Variants in PCDHGA2 observed in about 807,000 individuals in gnomAD.
PCDHGA2 encodes the protein protocadherin gamma subfamily A, 2, also known as protocadherin gamma-A2.
A neutral mutation model predicts 59.2 loss-of-function variants in PCDHGA2; 40 were observed. That is an observed-to-expected ratio of 0.68 (90% CI 0.52 to 0.88). The LOEUF is 0.88. Ranked by LOEUF, PCDHGA2 falls within the 40% of genes least tolerant of loss-of-function variation. The pLI, the probability that PCDHGA2 is intolerant of heterozygous loss-of-function variation, is 0.00. For missense variants in PCDHGA2, 1,226 were observed against 1,204.0 expected, an observed-to-expected ratio of 1.02 and a Z score of -0.27; for synonymous variants, 560 against 526.0, an observed-to-expected ratio of 1.06 and a Z score of -0.89.
intron 1 of PCDHGA2, chr5:141,400,694 C>T: frequency 1.3e-6 from 1 of 763,776 alleles, no homozygotes; most frequent in South Asian, 1.9e-5. Context: ...GTTTTTATGT[C>T]GCATAAAAGA....
intron 1 of PCDHGA2, chr5:141,384,775 G>A: frequency 6.2e-7 from 1 of 1,613,910 alleles, no homozygotes; most frequent in Non-Finnish European, 8.5e-7. Flanking sequence ...CACGGGCGAG[G>A]TGCGCACGGC....
Position 141,339,409 on chromosome 5 carries a change from T to C in PCDHGA2, c.438T>C (p.Thr146=). The C allele has an allele frequency of 6.2e-7, 1 of 1,614,236 alleles. No individual in the cohort carries two copies. The highest frequency in any genetic ancestry group is 1.7e-5 in the Admixed American group (1 of 60,032). The change falls in exon 1 of 4, where the codon ACT becomes ACC. Residue 146 remains threonine (T), a synonymous_variant. Coordinates refer to ENST00000394576, the MANE Select transcript of PCDHGA2 (RefSeq NM_018915.4). Reference sequence around the variant, plus strand: ...TGGAGCTAAAAATCAGTGAAACCACTACGCCAGGATTCCGGATTCCTCTTA... The same window carrying C: ...TGGAGCTAAAAATCAGTGAAACCACCACGCCAGGATTCCGGATTCCTCTTA... ...EELELKISET[T]TPGFRIPLKN...
intron 1 of PCDHGA2, chr5:141,392,908 G>T: frequency 1.2e-6 from 2 of 1,613,852 alleles, no homozygotes; most frequent in African/African-American, 1.3e-5. Context: ...GGACAGATTC[G>T]CTACTCTGTG....
At chr5:141,373,462 G>C (rs1769608771) in intron 1 of PCDHGA2, among the ~76,000 whole-genome samples, 1 of 152,218 alleles carries the variant, frequency 6.6e-6, no homozygotes, top group African/African-American at 2.4e-5. Context: ...GGTAGCAGCT[G>C]CAATGAGCTA....
chr5:141,413,045 G>A, intron 1 of PCDHGA2: 1 of 894,362 alleles, frequency 1.1e-6, no homozygotes, highest in South Asian at 1.9e-5. Flanking sequence ...CTGGGCTGCA[G>A]GGAAGCTCAC....
intron 1 of PCDHGA2, chr5:141,365,242 A>G (rs536146431): frequency 6.2e-7 from 1 of 1,613,960 alleles, no homozygotes; most frequent in Admixed American, 1.7e-5. Flanking sequence ...TCTCAACTCT[A>G]CAATCACTGG....
intron 1 of PCDHGA2, among the ~76,000 whole-genome samples, chr5:141,348,125 A>G (rs1455807661): frequency 1.3e-5 from 2 of 152,216 alleles, no homozygotes; most frequent in Non-Finnish European, 2.9e-5. Context: ...AATTATTTTC[A>G]CTCATGAAAT....
intron 1 of PCDHGA2, chr5:141,365,075 G>T (rs754573655): frequency 1.2e-6 from 2 of 1,613,724 alleles, no homozygotes; most frequent in South Asian, 1.1e-5. Flanking sequence ...CGAGTACAGC[G>T]TGAGTGTTCC....
chr5:141,386,123 T>C (rs1477033454), intron 1 of PCDHGA2: 1 of 152,112 alleles, frequency 6.6e-6, no homozygotes, highest in African/African-American at 2.4e-5. Flanking sequence ...AAGTGGGAGA[T>C]TGGGGATACT....
chr5:141,456,875 A>C (rs2098894225), intron 1 of PCDHGA2, among the ~76,000 whole-genome samples: 1 of 152,190 alleles, frequency 6.6e-6, no homozygotes, highest in African/African-American at 2.4e-5. Context: ...AGGCAGGAGA[A>C]TCGCTTGAAC....
rs780310968 is a variant in PCDHGA2 at position 141,414,168 on chromosome 5, T to G, written c.2424+72773T>G. The G allele has an allele frequency of 5.6e-6, 9 of 1,605,598 alleles. No individual in the cohort carries two copies. The African/African-American group carries it at 1.2e-4, about 21-fold the overall frequency. ...TACAAGCAGAAGATGGAGGAGCATA[T>G]CTTGCAACTGCAAAAGTGTTGATTA... On this transcript the variant is annotated intron_variant, in intron 1 of 3. Coordinates refer to ENST00000394576, the MANE Select transcript of PCDHGA2 (RefSeq NM_018915.4).
chr5:141,351,748 G>T (rs1441562822), intron 1 of PCDHGA2: 2 of 1,613,560 alleles, frequency 1.2e-6, no homozygotes, highest in East Asian at 4.5e-5. Context: ...AGCCGCGGGA[G>T]CTGTTGTCCT....
At chr5:141,466,763 C>T (rs960940073) in intron 1 of PCDHGA2, among the ~76,000 whole-genome samples, 31 of 152,272 alleles carry the variant, frequency 2.0e-4, no homozygotes, top group Middle Eastern at 6.8e-3. Context: ...TCTTTTCAAA[C>T]TGTTATCTTA....
intron 1 of PCDHGA2, chr5:141,400,388 A>C: frequency 1.9e-6 from 3 of 1,614,066 alleles, no homozygotes; most frequent in Non-Finnish European, 2.5e-6. Context: ...TGTGTTGCAC[A>C]TACAGGAAAG....
At chr5:141,468,837 G>T in intron 1 of PCDHGA2, among the ~76,000 whole-genome samples, 1 of 152,108 alleles carries the variant, frequency 6.6e-6, no homozygotes, top group South Asian at 2.1e-4. Flanking sequence ...CTGCACTCCA[G>T]CCTGGGCAAC....
In PCDHGA2 at chr5:141,475,307, T is replaced by C. The variant is rs527879991; in HGVS notation, c.2425-19500T>C. The stretch of plus-strand genomic sequence containing the variant: ...GGTAGGGAAATTTCTTATTGCTCCC[T>C]GGTTCTTAAGAAATGAGAGCTAACA... On this transcript the variant is annotated intron_variant, in intron 1 of 3. Transcript: ENST00000394576. 2.8e-4 allele frequency among the ~76,000 whole-genome samples: 43 copies of C among 152,348 alleles called. 1 individual carries two copies. Among genetic ancestry groups the C allele is most frequent in the Admixed American group, 8.5e-4 (13 of 15,298 alleles).
At chr5:141,464,759 ACAGG>A (rs2099090169) in intron 1 of PCDHGA2, among the ~76,000 whole-genome samples, 1 of 152,158 alleles carries the variant, frequency 6.6e-6, no homozygotes, top group Non-Finnish European at 1.5e-5. Context: ...TTTTTTAGAG[ACAGG>A]AATCTTGTTC....
At chr5:141,383,927 A>C in intron 1 of PCDHGA2, 1 of 1,613,800 alleles carries the variant, frequency 6.2e-7, no homozygotes, top group Non-Finnish European at 8.5e-7. Context: ...GTAAATGATA[A>C]TGCTCCAGAA....
Position 141,388,371 on chromosome 5 carries a change from G to C in PCDHGA2, c.2424+46976G>C, listed in dbSNP as rs757960562. ...AGGATCTGCCCATGATGCGGATATT[G>C]GTAGCAACACACTGCAGAATTACCA... On this transcript the variant is annotated intron_variant, in intron 1 of 3. Transcript: ENST00000394576. 3.8e-5 allele frequency: 61 copies of C among 1,613,854 alleles called. No homozygotes were observed. In the South Asian group the frequency reaches 6.1e-4, roughly 16 times the overall value.
Sources: gnomAD v4.1 joint callset for allele counts (sites outside exome capture counted in the v4.1 genomes callset) on GRCh38, gnomAD v4.1.1 for gene constraint, MANE v1.5 for transcripts, NCBI Gene and HGNC (gene_info 2026-07-23, HGNC 2026-07-21) for gene names.